Variants in MAS1L observed in about 807,000 individuals in gnomAD.
The protein encoded by MAS1L is MAS1 proto-oncogene like, G protein-coupled receptor, also known as mas-related G protein-coupled receptor MRG.
For missense variants in MAS1L, 441 were observed against 460.1 expected (o/e 0.96, Z 0.38); for synonymous variants, 160 against 182.9 (o/e 0.87, Z 1.01).
At position 29,487,173 on chromosome 6, in the gene MAS1L, G is replaced by C. The variant is rs768856877; in HGVS notation, c.730C>G (p.Leu244Val). 6.2e-7 allele frequency: 1 copy of C among 1,614,132 alleles called. No homozygotes were observed. The change falls in exon 1 of 1, where the codon CTG (leucine) becomes GTG (valine). Residue 244 changes from leucine (L) to valine (V), a missense_variant. Leu to Val is a conservative substitution (Grantham distance 32). Coordinates refer to ENST00000377127, the MANE Select transcript of MAS1L (RefSeq NM_052967.2). ...CACAGGAATCTAATGAGTAGAGTCA[G>C]ACTCGACACACACATCACAAGTGAA... ...ILSLVMCVSS[L>V]TLLIRFLCCS...
rs201673134 is a variant in MAS1L, at chr6:29,487,395, C to G, written c.508G>C (p.Glu170Gln). 4 of 1,613,882 alleles carry G rather than the reference C, an allele frequency of 2.5e-6. No homozygotes were observed. The highest frequency in any genetic ancestry group is 2.2e-5 in the East Asian group (1 of 44,848). ...GGGAAGAGGACACACACACACCGCT[C>G]TGTGCTGATGGCCACCAGGAGACAG... ...CLCLLVAISTERCVCVLFPIW... is the reference protein window; with the variant it reads ...CLCLLVAISTQRCVCVLFPIW... The change falls in exon 1 of 1, where the codon GAG (glutamate) becomes CAG (glutamine). Residue 170 changes from glutamate (E) to glutamine (Q), a missense_variant. Physicochemically the swap from Glu to Gln is conservative, Grantham distance 29. Coordinates refer to ENST00000377127, the MANE Select transcript of MAS1L (RefSeq NM_052967.2).
In MAS1L at chr6:29,487,784, T is replaced by A; in HGVS notation, c.119A>T (p.Asn40Ile). ...ACAGAGCTGAGATACCAGGTTTGGG[T>A]TCTGTGCCTCCTGGTCACCACTGTG... ...CLHSGDQEAQ[N>I]PNLVSQLCGV... Residue 40 changes from asparagine (N) to isoleucine (I), a missense_variant, in exon 1 of 1, where the codon AAC becomes ATC. By Grantham distance (149) the Asn-to-Ile change is moderately radical (BLOSUM62 -3). Coordinates refer to ENST00000377127, the MANE Select transcript of MAS1L (RefSeq NM_052967.2). 1 of 1,614,224 alleles carries A rather than the reference T, an allele frequency of 6.2e-7. No individual in the cohort carries two copies. Among genetic ancestry groups the A allele is most frequent in the Non-Finnish European group, 8.5e-7 (1 of 1,180,038 alleles).
At position 29,486,816 on chromosome 6, in the gene MAS1L, G is replaced by A; in HGVS notation, c.1087C>T (p.His363Tyr). The A allele has an allele frequency of 6.2e-7, 1 of 1,614,120 alleles. No individual in the cohort carries two copies. The highest frequency in any genetic ancestry group is 8.5e-7 in the Non-Finnish European group (1 of 1,180,032). Residue 363 changes from histidine to tyrosine, a missense_variant, in exon 1 of 1, where the codon CAT becomes TAT. Transcript: ENST00000377127. The part of the protein sequence containing the change: ...DPMEQPHSTQ[H>Y]VENLLPREHR... ...TCCCTGGGAAGAAGGTTCTCCACAT[G>A]CTGAGTAGAGTGTGGTTGCTCCATT...
chr6:29,487,714 C>A lies in MAS1L; in HGVS notation c.189G>T (p.Gln63His), dbSNP rs767821951. The change falls in exon 1 of 1, where the codon CAG becomes CAT. Residue 63 changes from glutamine (Q) to histidine (H), a missense_variant. Gln to His is a conservative substitution (Grantham distance 24). Coordinates refer to ENST00000377127, the MANE Select transcript of MAS1L (RefSeq NM_052967.2). ...QNETNETIHM[Q>H]MSMAVGQQAL... ...CCTGCTGTCCCACTGCCATGCTCAT[C>A]TGCATATGTATGGTTTCATTCGTCT... 55 of 1,614,142 alleles carry A rather than the reference C, an allele frequency of 3.4e-5. No individual in the cohort carries two copies. Among genetic ancestry groups the A allele is most frequent in the Admixed American group, 2.2e-4 (13 of 60,010 alleles).
At position 29,487,336 on chromosome 6, in the gene MAS1L, T is replaced by A. The variant is rs540691271; in HGVS notation, c.567A>T (p.Thr189=). ...AGATGAGGGTGCAGACAACATTAGA[T>A]GTGTATTTTGGGCGGTGGCATCTGT... The part of the protein sequence containing the change: ...IWYRCHRPKY[T]SNVVCTLIWG... Residue 189 remains threonine, a synonymous_variant, in exon 1 of 1, where the codon ACA becomes ACT. Coordinates refer to ENST00000377127, the MANE Select transcript of MAS1L (RefSeq NM_052967.2). The A allele has an allele frequency of 6.2e-7, 1 of 1,613,936 alleles. No homozygotes were observed. Among genetic ancestry groups the A allele is most frequent in the South Asian group, 1.1e-5 (1 of 91,078 alleles).
Position 29,487,017 on chromosome 6 carries a change from A to T in MAS1L, c.886T>A (p.Ser296Thr). Residue 296 changes from serine (S) to threonine (T), a missense_variant, in exon 1 of 1, where the codon TCC becomes ACC. Ser to Thr is a moderately conservative substitution (Grantham distance 58). Coordinates refer to ENST00000377127, the MANE Select transcript of MAS1L (RefSeq NM_052967.2). ...ITDFKMFVTT[S>T]YLISLFLIIN... is the part of the protein sequence containing the mutation. The stretch of plus-strand genomic sequence containing the variant: ...ATGAGGAACAAGGAAATTAAATAGG[A>T]GGTGGTGACAAACATTTTGAAATCT... The T allele has an allele frequency of 1.9e-6, 3 of 1,614,038 alleles. No individual in the cohort carries two copies. Among genetic ancestry groups the T allele is most frequent in the Non-Finnish European group, 2.5e-6 (3 of 1,180,012 alleles).
rs1248513655 is a variant in MAS1L, at chr6:29,487,802, C to A, written c.101G>T (p.Gly34Val). 2 of 1,614,212 alleles carry A rather than the reference C, an allele frequency of 1.2e-6. No individual in the cohort carries two copies. Among genetic ancestry groups the A allele is most frequent in the East Asian group, 2.2e-5 (1 of 44,886 alleles). Residue 34 changes from glycine to valine, a missense_variant, in exon 1 of 1, where the codon GGT becomes GTT. By Grantham distance (109) the Gly-to-Val change is moderately radical. Coordinates refer to ENST00000377127, the MANE Select transcript of MAS1L (RefSeq NM_052967.2). ...GTTTGGGTTCTGTGCCTCCTGGTCA[C>A]CACTGTGGAGACAAAGGCTACATGA... ...SLSCSLCLHS[G>V]DQEAQNPNLV... is the part of the protein sequence containing the mutation.
In MAS1L at chr6:29,487,575, C is replaced by A; in HGVS notation, c.328G>T (p.Val110Leu). ...LCCGATNPYM[V>L]YILHLVAADV... ...GCAGCGACCAGGTGGAGGATGTATA[C>A]CATGTAGGGATTCGTGGCCCCACAG... Residue 110 changes from valine (V) to leucine (L), a missense_variant, in exon 1 of 1, where the codon GTA becomes TTA. Coordinates refer to ENST00000377127, the MANE Select transcript of MAS1L (RefSeq NM_052967.2). 2 of 1,614,170 alleles carry A rather than the reference C, an allele frequency of 1.2e-6. No homozygotes were observed. Among genetic ancestry groups the A allele is most frequent in the Non-Finnish European group, 1.7e-6 (2 of 1,180,022 alleles).
Position 29,487,110 on chromosome 6 carries a change from C to T in MAS1L, c.793G>A (p.Val265Met), listed in dbSNP as rs758058781. The change falls in exon 1 of 1, where the codon GTG (valine) becomes ATG (methionine). Residue 265 changes from valine (V) to methionine (M), a missense_variant. Val to Met is a conservative substitution (Grantham distance 21, BLOSUM62 1). Coordinates refer to ENST00000377127, the MANE Select transcript of MAS1L (RefSeq NM_052967.2). ...QQQKATRVYAVVQISAPMFLL... is the reference protein window; with the variant it reads ...QQQKATRVYAMVQISAPMFLL... ...AACATGGGGGCCGAGATCTGCACCA[C>T]CGCATAGACCCTGGTGGCCTTTTGC... 10 of 1,614,062 alleles carry T rather than the reference C, an allele frequency of 6.2e-6. No individual in the cohort carries two copies. The South Asian group carries it at 1.1e-4, about 18-fold the overall frequency.
rs1403229929 is a variant in MAS1L at position 29,487,741 on chromosome 6, A to G, written c.162T>C (p.Asn54=). 6.2e-7 allele frequency: 1 copy of G among 1,614,250 alleles called. No homozygotes were observed. Among genetic ancestry groups the G allele is most frequent in the Non-Finnish European group, 8.5e-7 (1 of 1,180,038 alleles). Residue 54 remains asparagine (N), a synonymous_variant, in exon 1 of 1, where the codon AAT becomes AAC. Transcript: ENST00000377127. Reference sequence around the variant, plus strand: ...GCATATGTATGGTTTCATTCGTCTCATTTTGAAGAAAGACGCCACAGAGCT... The same window carrying G: ...GCATATGTATGGTTTCATTCGTCTCGTTTTGAAGAAAGACGCCACAGAGCT... ...VSQLCGVFLQ[N]ETNETIHMQM...
Position 29,487,954 on chromosome 6 carries a change from C to T in MAS1L, c.-52G>A. ...AACATCACAGTCAGGAGCAGTGGTCCATCTAGTGGTGTCCTCTGGCCTCAG... is the reference window on the plus strand; with the variant it reads ...AACATCACAGTCAGGAGCAGTGGTCTATCTAGTGGTGTCCTCTGGCCTCAG... On this transcript the variant is annotated 5_prime_UTR_variant, in exon 1 of 1. An upstream start codon of the reference 5' UTR is lost. Transcript: ENST00000377127. 6.5e-7 allele frequency: 1 copy of T among 1,536,970 alleles called. No homozygotes were observed. The highest frequency in any genetic ancestry group is 8.7e-7 in the Non-Finnish European group (1 of 1,143,110).
At position 29,487,050 on chromosome 6, in the gene MAS1L, G is replaced by A. The variant is rs1484134836; in HGVS notation, c.853C>T (p.Leu285Phe). 6.8e-6 allele frequency: 11 copies of A among 1,613,952 alleles called. No homozygotes were observed. The highest frequency in any genetic ancestry group is 9.3e-6 in the Non-Finnish European group (11 of 1,180,038). Residue 285 changes from leucine to phenylalanine, a missense_variant, in exon 1 of 1, where the codon CTC (leucine) becomes TTC (phenylalanine). Transcript: ENST00000377127. ...LWALPLSVAP[L>F]ITDFKMFVTT... ...ACAAACATTTTGAAATCTGTTATGAGGGGTGCCACGCTCAGGGGTAGGGCC... is the reference window on the plus strand; with the variant it reads ...ACAAACATTTTGAAATCTGTTATGAAGGGTGCCACGCTCAGGGGTAGGGCC...
chr6:29,487,330 AT>A, the MAS1L span: 1,087 of 1,614,114 alleles, frequency 6.7e-4, 12 homozygotes, highest in South Asian at 6.3e-3. Context: ...TGCAGACAAC[AT>A]TAGATGTGTA....
In MAS1L at chr6:29,486,712, T is replaced by G. The variant is rs2066951; in HGVS notation, c.*54A>C. 0.046 allele frequency: 69,837 copies of G among 1,518,956 alleles called. 4,909 individuals are homozygous for G. Among genetic ancestry groups the G allele is most frequent in the African/African-American group, 0.28 (20,214 of 72,050 alleles). The allele number at this position is 1,518,956 out of a possible 1,614,324, so 94.1% of individuals were successfully genotyped here. ...TTGATTTGATGCAGCAGCCTTATGATGCAGAACAGGCTGGGTTACTATGTG... is the reference window on the plus strand; with the variant it reads ...TTGATTTGATGCAGCAGCCTTATGAGGCAGAACAGGCTGGGTTACTATGTG... On this transcript the variant is annotated 3_prime_UTR_variant, in exon 1 of 1. Coordinates refer to ENST00000377127, the MANE Select transcript of MAS1L (RefSeq NM_052967.2).
At position 29,486,978 on chromosome 6, in the gene MAS1L, C is replaced by A; in HGVS notation, c.925G>T (p.Ala309Ser). Residue 309 changes from alanine (A) to serine (S), a missense_variant, in exon 1 of 1, where the codon GCC becomes TCC. By Grantham distance (99) the Ala-to-Ser change is moderately conservative. Coordinates refer to ENST00000377127, the MANE Select transcript of MAS1L (RefSeq NM_052967.2). ...ACAAAGAAATAAATGATAGGGTTGG[C>A]GCTGCTGTTTATAATGAGGAACAAG... ...ISLFLIINSSANPIIYFFVGS... is the reference protein window; with the variant it reads ...ISLFLIINSSSNPIIYFFVGS... 1.2e-6 allele frequency: 2 copies of A among 1,613,978 alleles called. No individual in the cohort carries two copies. Among genetic ancestry groups the A allele is most frequent in the Non-Finnish European group, 1.7e-6 (2 of 1,180,002 alleles).
In MAS1L at chr6:29,487,671, T is replaced by A; in HGVS notation, c.232A>T (p.Ile78Phe). 1.2e-6 allele frequency: 2 copies of A among 1,614,198 alleles called. No individual in the cohort carries two copies. The highest frequency in any genetic ancestry group is 2.2e-5 in the South Asian group (2 of 91,088). ...VGQQALPLNI[I>F]APKAVLVSLC... is the part of the protein sequence containing the mutation. ...GAGACCAGCACAGCCTTGGGGGCAA[T>A]GATATTCAAGGGCAGGGCCTGCTGT... is the stretch of plus-strand genomic sequence containing the variant. The change falls in exon 1 of 1, where the codon ATT becomes TTT. Residue 78 changes from isoleucine (I) to phenylalanine (F), a missense_variant. Coordinates refer to ENST00000377127, the MANE Select transcript of MAS1L (RefSeq NM_052967.2).
the MAS1L span, chr6:29,486,836 TC>T: frequency 6.2e-7 from 1 of 1,614,006 alleles, no homozygotes; most frequent in Non-Finnish European, 8.5e-7. Context: ...GTGTGGTTGC[TC>T]CATTGGGTCG....
rs750087616 is a variant in MAS1L at position 29,487,446 on chromosome 6, A to G, written c.457T>C (p.Ser153Pro). 4.3e-6 allele frequency: 7 copies of G among 1,614,002 alleles called. No homozygotes were observed. The highest frequency in any genetic ancestry group is 3.3e-5 in the Admixed American group (2 of 60,002). ...AGACACACCTCAAAGGAGAAGGGAG[A>G]CAATATGGCCAGGAAATCAGGGATA... ...FFIPDFLAIL[S>P]PFSFEVCLCL... Residue 153 changes from serine to proline, a missense_variant, in exon 1 of 1, where the codon TCT becomes CCT. Transcript: ENST00000377127.
chr6:29,486,793 C>G lies in MAS1L; in HGVS notation c.1110G>C (p.Arg370Ser). The G allele has an allele frequency of 6.2e-7, 1 of 1,613,596 alleles. No homozygotes were observed. The highest frequency in any genetic ancestry group is 8.5e-7 in the Non-Finnish European group (1 of 1,179,854). The change falls in exon 1 of 1, where the codon AGG (arginine) becomes AGC (serine). Residue 370 changes from arginine (R) to serine (S), a missense_variant. By Grantham distance (110) the Arg-to-Ser change is moderately radical. Transcript: ENST00000377127. Reference sequence around the variant, plus strand: ...ATGTTTCCACATCGACCCTGTGCTCCCTGGGAAGAAGGTTCTCCACATGCT... The same window carrying G: ...ATGTTTCCACATCGACCCTGTGCTCGCTGGGAAGAAGGTTCTCCACATGCT... ...STQHVENLLPREHRVDVET is the reference protein window; with the variant it reads ...STQHVENLLPSEHRVDVET
Sources: gnomAD v4.1 joint callset for allele counts on GRCh38, gnomAD v4.1.1 for gene constraint, MANE v1.5 for transcripts, NCBI Gene and HGNC (gene_info 2026-07-23, HGNC 2026-07-21) for gene names.